PSD3: variants seen among roughly 807,000 people sequenced by gnomAD.
The protein encoded by PSD3 is PH and SEC7 domain-containing protein 3.
In PSD3, 49 loss-of-function variants were observed where a neutral mutation model predicts 105.5. The ratio of observed to expected loss-of-function variants is 0.46; its 90% CI spans 0.37 to 0.59. The LOEUF (loss-of-function observed/expected upper bound fraction) is 0.59, where lower values mean the gene tolerates loss of function less well. PSD3 is among the 20% of genes least tolerant of loss of function. PSD3 has a pLI of 0.00. For missense variants in PSD3, 1,561 were observed against 1,263.8 expected (o/e 1.24, Z -3.57); for synonymous variants, 557 against 457.8 (o/e 1.22, Z -2.77).
intron 9 of PSD3, among the ~76,000 whole-genome samples, chr8:18,759,204 T>TA (rs1041224309): frequency 1.9e-4 from 29 of 151,866 alleles, no homozygotes; most frequent in Admixed American, 4.6e-4. Flanking sequence ...GCAATTTCTA[T>TA]AAAAAAACTT....
At chr8:18,769,474 AAG>A (rs1169016331) in intron 8 of PSD3, among the ~76,000 whole-genome samples, 1 of 152,212 alleles carries the variant, frequency 6.6e-6, no homozygotes, top group Non-Finnish European at 1.5e-5. Flanking sequence ...AACTTTAAAA[AAG>A]TATCATCTTT....
At chr8:18,861,566 C>T (rs1314753038) in intron 4 of PSD3, among the ~76,000 whole-genome samples, 2 of 152,154 alleles carry the variant, frequency 1.3e-5, no homozygotes, top group Non-Finnish European at 2.9e-5. Context: ...CTGCTTCCCC[C>T]AACTCCAGTG....
At chr8:18,704,131 G>T (rs1475170275) in intron 9 of PSD3, among the ~76,000 whole-genome samples, 1 of 152,134 alleles carries the variant, frequency 6.6e-6, no homozygotes, top group South Asian at 2.1e-4. Flanking sequence ...TCTTTAAAAC[G>T]CTAGTAGTTC....
At chr8:18,881,390 A>G (rs1818092704) in intron 2 of PSD3, among the ~76,000 whole-genome samples, 1 of 152,226 alleles carries the variant, frequency 6.6e-6, no homozygotes, top group Non-Finnish European at 1.5e-5. Flanking sequence ...GATCGGCTGC[A>G]GAAAAACCAG....
rs561828033 is a variant in PSD3, at chr8:18,601,014, C to T, written c.2411-580G>A. Among the ~76,000 whole-genome samples, 7 of 152,308 alleles carry T rather than the reference C, an allele frequency of 4.6e-5. No homozygotes were observed. In the East Asian group the frequency reaches 5.8e-4, roughly 13 times the overall value. ...GGATCTTGCTGTAATGTACTATTTT[C>T]GTCTAAATGTCTCTTTCACTAGACT... On this transcript the variant is annotated intron_variant, in intron 11 of 15. Transcript: ENST00000327040.
intron 9 of PSD3, among the ~76,000 whole-genome samples, chr8:18,742,536 A>G (rs186948345): frequency 1.9e-3 from 282 of 152,310 alleles, no homozygotes; most frequent in African/African-American, 6.6e-3. Context: ...TTCCATATAT[A>G]TTTTACCTAC....
chr8:18,912,257 A>C (rs939071444), intron 2 of PSD3, among the ~76,000 whole-genome samples: 4 of 152,206 alleles, frequency 2.6e-5, no homozygotes, highest in African/African-American at 9.6e-5. Flanking sequence ...AGATTAAATT[A>C]AGCAGAAAGA....
intron 9 of PSD3, among the ~76,000 whole-genome samples, chr8:18,716,075 G>C (rs1232787458): frequency 1.3e-5 from 2 of 152,232 alleles, no homozygotes; most frequent in Non-Finnish European, 2.9e-5. Flanking sequence ...ATTTCAAAGA[G>C]GATGGCCATG....
At chr8:18,736,846 T>C (rs1267603867) in intron 9 of PSD3, among the ~76,000 whole-genome samples, 1 of 152,254 alleles carries the variant, frequency 6.6e-6, no homozygotes, top group East Asian at 1.9e-4. Context: ...ATTTGGCTGA[T>C]GATCAGAAAA....
chr8:18,840,351 G>T (rs1430259346), intron 4 of PSD3, among the ~76,000 whole-genome samples: 2 of 152,174 alleles, frequency 1.3e-5, no homozygotes, highest in Non-Finnish European at 2.9e-5. Flanking sequence ...CCTGAAGGGG[G>T]TTGGTAGGGT....
intron 9 of PSD3, among the ~76,000 whole-genome samples, 155 bp from the exon 10 acceptor site, chr8:18,655,840 G>A (rs1465915495): frequency 6.6e-6 from 1 of 152,178 alleles, no homozygotes; most frequent in Admixed American, 6.5e-5. Flanking sequence ...TACATGGGGA[G>A]GCAAATGAGC....
At chr8:18,730,504 G>A (rs780795291) in intron 9 of PSD3, among the ~76,000 whole-genome samples, 3 of 152,114 alleles carry the variant, frequency 2.0e-5, no homozygotes, top group South Asian at 2.1e-4. Context: ...GATCTTTAAC[G>A]AAGTTGACCC....
intron 1 of PSD3, among the ~76,000 whole-genome samples, chr8:18,952,373 T>C (rs1341090048): frequency 2.1e-5 from 3 of 144,672 alleles, no homozygotes; most frequent in African/African-American, 2.7e-5. Flanking sequence ...GACTTGTTTC[T>C]GGGGAAAAAT....
intron 1 of PSD3, among the ~76,000 whole-genome samples, chr8:19,010,207 A>T (rs936231225): frequency 1.3e-5 from 2 of 152,146 alleles, no homozygotes; most frequent in Non-Finnish European, 2.9e-5. Flanking sequence ...CCTGACATGC[A>T]GGAAGGGGAG....
chr8:18,776,371 T>C (rs1407773674), intron 8 of PSD3, among the ~76,000 whole-genome samples: 2 of 143,938 alleles, frequency 1.4e-5, no homozygotes, highest in Non-Finnish European at 3.0e-5. Context: ...TCTAAATATA[T>C]GTATATATAT....
intron 2 of PSD3, among the ~76,000 whole-genome samples, chr8:18,915,875 C>T (rs1422467239): frequency 6.6e-6 from 1 of 152,006 alleles, no homozygotes; most frequent in Admixed American, 6.6e-5. Flanking sequence ...CAGGAGGAAT[C>T]ACCTGAGGTT....
intron 1 of PSD3, among the ~76,000 whole-genome samples, chr8:18,986,872 C>A (rs10216388): frequency 0.52 from 78,376 of 151,902 alleles, 20,547 homozygotes; most frequent in Middle Eastern, 0.64. Context: ...GGAAAAAAAT[C>A]AACTCACTTT....
At chr8:18,558,558 C>G (rs1034986382) in intron 14 of PSD3, among the ~76,000 whole-genome samples, 1 of 152,164 alleles carries the variant, frequency 6.6e-6, no homozygotes, top group Non-Finnish European at 1.5e-5. Flanking sequence ...TGGGGTGCCT[C>G]ACGCCTGTAA....
chr8:18,624,763 T>C (rs552104822), intron 11 of PSD3, among the ~76,000 whole-genome samples: 1 of 152,226 alleles, frequency 6.6e-6, no homozygotes, highest in African/African-American at 2.4e-5. Context: ...AATCCTTTAT[T>C]GGTAATATGC....
Sources: gnomAD v4.1 joint callset for allele counts (sites outside exome capture counted in the v4.1 genomes callset) on GRCh38, gnomAD v4.1.1 for gene constraint, MANE v1.5 for transcripts, NCBI Gene and HGNC (gene_info 2026-07-23, HGNC 2026-07-21) for gene names.